The following KCNN2 variants were observed in gnomAD, a reference collection of about 807,000 sequenced individuals.
The protein encoded by KCNN2 is small conductance calcium-activated potassium channel protein 2.
Under a neutral mutation model 55.5 loss-of-function variants are expected in KCNN2, and 24 were observed. The ratio of observed to expected loss-of-function variants is 0.43; its 90% confidence interval spans 0.31 to 0.61. KCNN2 has a LOEUF of 0.61. KCNN2 is among the 20% of genes least tolerant of loss of function. The pLI is 0.08. For missense variants in KCNN2, 754 were observed against 853.6 expected, an observed-to-expected ratio of 0.88 and a Z score of 1.45; for synonymous variants, 431 against 336.1, an observed-to-expected ratio of 1.28 and a Z score of -3.09.
intron 1 of KCNN2, among the ~76,000 whole-genome samples, chr5:114,187,875 C>T (rs898484591): frequency 5.9e-5 from 8 of 134,838 alleles, no homozygotes; most frequent in African/African-American, 1.7e-4. Context: ...AGTGCAGTGG[C>T]GCAATCTCGG....
At chr5:114,433,339 C>G (rs1191497648) in intron 3 of KCNN2, among the ~76,000 whole-genome samples, 1 of 152,158 alleles carries the variant, frequency 6.6e-6, no homozygotes, top group Admixed American at 6.5e-5. Flanking sequence ...TTTGTGTGGA[C>G]ACTCTGTATC....
chr5:114,414,299 T>A (rs576103546), intron 3 of KCNN2, among the ~76,000 whole-genome samples: 95 of 152,302 alleles, frequency 6.2e-4, no homozygotes, highest in Non-Finnish European at 1.1e-3. Flanking sequence ...TAGTCCATGT[T>A]AATGGACTTG....
At chr5:114,250,677 A>G (rs892704325) in intron 2 of KCNN2, among the ~76,000 whole-genome samples, 2 of 152,186 alleles carry the variant, frequency 1.3e-5, no homozygotes, top group Non-Finnish European at 2.9e-5. Flanking sequence ...ATGGCCCCTG[A>G]AGGAATGCAG....
intron 1 of KCNN2, among the ~76,000 whole-genome samples, chr5:114,089,712 G>GGT (rs1751096275): frequency 6.6e-6 from 1 of 152,272 alleles, no homozygotes; most frequent in East Asian, 1.9e-4. Context: ...TCTGAAAATT[G>GGT]CTTTAGACCA....
intron 2 of KCNN2, among the ~76,000 whole-genome samples, chr5:114,285,489 G>A (rs1189757773): frequency 6.6e-6 from 1 of 152,030 alleles, no homozygotes; most frequent in Non-Finnish European, 1.5e-5. Flanking sequence ...ATAAGGATAA[G>A]TAAATCAAGC....
rs890087913 is a variant in KCNN2, at chr5:114,296,221, G to A, written c.-184-64724G>A. Among the ~76,000 whole-genome samples, 10 of 152,266 alleles carry A rather than the reference G, an allele frequency of 6.6e-5. No individual in the cohort carries two copies. The South Asian group carries it at 1.5e-3, about 22-fold the overall frequency. ...TTCTAAGTTAAAGGAGGGAGAATGA[G>A]TAACCTCTTATAGCCTATCAGAAGT... On this transcript the variant is annotated intron_variant, in intron 2 of 10. Transcript: ENST00000512097.
intron 2 of KCNN2, among the ~76,000 whole-genome samples, chr5:114,306,914 G>A (rs943753178): frequency 3.3e-5 from 5 of 151,902 alleles, no homozygotes; most frequent in African/African-American, 9.7e-5. Context: ...ATGTTAGCCA[G>A]GCTGGTCTTG....
chr5:114,089,350 T>A (rs1368603755), intron 1 of KCNN2, among the ~76,000 whole-genome samples: 3 of 152,160 alleles, frequency 2.0e-5, no homozygotes, highest in Non-Finnish European at 4.4e-5. Flanking sequence ...TTAGTCCTAT[T>A]CCTAAGATAA....
intron 2 of KCNN2, among the ~76,000 whole-genome samples, chr5:114,255,247 C>A (rs1387999198): frequency 6.6e-6 from 1 of 151,962 alleles, no homozygotes; most frequent in Admixed American, 6.6e-5. Context: ...CTTACACGTG[C>A]ATTGTAGTGT....
chr5:114,143,412 C>T (rs1384724684), intron 1 of KCNN2, among the ~76,000 whole-genome samples: 3 of 152,042 alleles, frequency 2.0e-5, no homozygotes, highest in South Asian at 2.1e-4. Flanking sequence ...ATAGAAACAA[C>T]GTGATGCTAG....
chr5:114,128,119 C>T (rs1751976431), intron 1 of KCNN2, among the ~76,000 whole-genome samples: 1 of 152,138 alleles, frequency 6.6e-6, no homozygotes, highest in South Asian at 2.1e-4. Flanking sequence ...GTTGCTTCCA[C>T]ATTTTTGAGT....
At chr5:114,189,600 T>G (rs1285409012) in intron 1 of KCNN2, among the ~76,000 whole-genome samples, 2 of 152,192 alleles carry the variant, frequency 1.3e-5, no homozygotes, top group Non-Finnish European at 2.9e-5. Flanking sequence ...TCAGAAAAAC[T>G]AACTCGTATG....
At chr5:114,279,247 G>A (rs1755566476) in intron 2 of KCNN2, among the ~76,000 whole-genome samples, 1 of 151,592 alleles carries the variant, frequency 6.6e-6, no homozygotes. Flanking sequence ...ATATATGCTG[G>A]CTCCAGTTAC....
At chr5:114,226,097 G>A (rs978215002) in intron 2 of KCNN2, among the ~76,000 whole-genome samples, 1 of 133,238 alleles carries the variant, frequency 7.5e-6, no homozygotes, top group Non-Finnish European at 1.6e-5. Flanking sequence ...ATACCAGGTC[G>A]AAAGAAGAGA....
chr5:114,419,371 A>G (rs1008680127), intron 3 of KCNN2, among the ~76,000 whole-genome samples: 1 of 152,190 alleles, frequency 6.6e-6, no homozygotes, highest in Non-Finnish European at 1.5e-5. Flanking sequence ...AAGTTTGCCA[A>G]CCTCTTATCT....
chr5:114,180,667 A>G (rs115729772), intron 1 of KCNN2, among the ~76,000 whole-genome samples: 2 of 152,244 alleles, frequency 1.3e-5, no homozygotes, highest in Non-Finnish European at 2.9e-5. Flanking sequence ...CACTTGCTTT[A>G]TGAGCTTTGT....
At chr5:114,391,560 T>C (rs1214579065) in intron 2 of KCNN2, among the ~76,000 whole-genome samples, 2 of 152,098 alleles carry the variant, frequency 1.3e-5, no homozygotes, top group African/African-American at 2.4e-5. Flanking sequence ...TTGGTTGATA[T>C]TTAAAAGGCA....
intron 1 of KCNN2, among the ~76,000 whole-genome samples, chr5:114,192,500 T>C (rs1352543559): frequency 6.6e-6 from 1 of 152,160 alleles, no homozygotes; most frequent in African/African-American, 2.4e-5. Context: ...ACTTCTCTTC[T>C]GTTTCTCTGA....
At chr5:114,351,036 A>C (rs1470604100) in intron 2 of KCNN2, among the ~76,000 whole-genome samples, 1 of 151,824 alleles carries the variant, frequency 6.6e-6, no homozygotes, top group Non-Finnish European at 1.5e-5. Flanking sequence ...TCTGTGGGTC[A>C]GTTTAGAGAC....
Sources: allele counts gnomAD v4.1 joint callset (sites outside exome capture counted in the v4.1 genomes callset), GRCh38; gene constraint gnomAD v4.1.1; transcripts MANE v1.5; gene names NCBI Gene and HGNC (gene_info 2026-07-23, HGNC 2026-07-21).